HSF2BP: variants seen among roughly 807,000 people sequenced by gnomAD.
HSF2BP encodes heat shock transcription factor 2 binding protein.
In HSF2BP, 35 loss-of-function variants were observed where a neutral mutation model predicts 35.0. The observed-to-expected ratio is 1.00, with a 90% confidence interval of 0.76 to 1.32. HSF2BP has a LOEUF of 1.32. Among genes scored for constraint, HSF2BP ranks in the 40% most tolerant of loss-of-function variants. HSF2BP has a pLI of 0.00. For missense variants in HSF2BP, 326 were observed against 321.7 expected, an observed-to-expected ratio of 1.01 and a Z score of -0.10; for synonymous variants, 114 against 117.4, an observed-to-expected ratio of 0.97 and a Z score of 0.18.
chr21:43,582,042 C>T, intron 8 of HSF2BP, among the ~76,000 whole-genome samples: 1 of 56,016 alleles, frequency 1.8e-5, no homozygotes, highest in Non-Finnish European at 3.2e-5. Context: ...CTGAGGGGCC[C>T]TGTTGTGGGG....
intron 7 of HSF2BP, among the ~76,000 whole-genome samples, chr21:43,602,838 A>G (rs1394433429): frequency 6.6e-6 from 1 of 152,190 alleles, no homozygotes. Context: ...CCATTCAGGA[A>G]TGTGGGTAGC....
rs2081843426 is a variant in HSF2BP at position 43,585,845 on chromosome 21, T to C, written c.796+6380A>G. Among the ~76,000 whole-genome samples, 3 of 152,154 alleles carry C rather than the reference T, an allele frequency of 2.0e-5. No individual in the cohort carries two copies. The South Asian group carries it at 6.2e-4, about 32-fold the overall frequency. On this transcript the variant is annotated intron_variant, in intron 8 of 8. Transcript: ENST00000291560. ...AAATAGAATTGTAATCAATAGAAAT[T>C]AGAATTTGGTGTGAGGGAAGATTAG...
intron 8 of HSF2BP, among the ~76,000 whole-genome samples, chr21:43,585,631 C>T (rs1405121493): frequency 2.0e-5 from 3 of 151,032 alleles, no homozygotes; most frequent in Non-Finnish European, 4.4e-5. Flanking sequence ...GGGCAACTGA[C>T]CAAGACTCTG....
At chr21:43,655,015 T>G (rs925428604) in intron 3 of HSF2BP, among the ~76,000 whole-genome samples, 1 of 152,216 alleles carries the variant, frequency 6.6e-6, no homozygotes, top group African/African-American at 2.4e-5. Flanking sequence ...AAAGGCAGAC[T>G]GTGATCAAGT....
In HSF2BP at chr21:43,633,505, T is replaced by G. The variant is rs1003045074; in HGVS notation, c.292-84A>C. The G allele has an allele frequency of 2.1e-5, 25 of 1,182,556 alleles. No individual in the cohort carries two copies. The African/African-American group carries it at 3.8e-4, about 18-fold the overall frequency. The allele number at this position is 1,182,556 out of a possible 1,614,324, so 73.3% of individuals were successfully genotyped here. ...TTACATTTCCTCTTTCACAAAGATATTTATTAAAGAAATGCATGTATAATT... is the reference window on the plus strand; with the variant it reads ...TTACATTTCCTCTTTCACAAAGATAGTTATTAAAGAAATGCATGTATAATT... On this transcript the variant is annotated intron_variant, in intron 4 of 8. Transcript: ENST00000291560.
At chr21:43,648,745 C>T (rs2082742486) in intron 3 of HSF2BP, among the ~76,000 whole-genome samples, 2 of 152,216 alleles carry the variant, frequency 1.3e-5, no homozygotes, top group Admixed American at 1.3e-4. Flanking sequence ...CTTCCCAGAA[C>T]TGAAATGGGG....
intron 7 of HSF2BP, among the ~76,000 whole-genome samples, chr21:43,596,045 T>A (rs182618695): frequency 2.0e-5 from 3 of 152,122 alleles, no homozygotes; most frequent in Non-Finnish European, 2.9e-5. Flanking sequence ...TACTGAAAAG[T>A]TCAGTTCATC....
intron 8 of HSF2BP, among the ~76,000 whole-genome samples, chr21:43,575,055 C>T (rs894021662): frequency 2.0e-5 from 3 of 152,222 alleles, no homozygotes; most frequent in East Asian, 1.9e-4. Context: ...CTGCTGCTCA[C>T]GCAGCTCCTG....
At chr21:43,632,073 T>TAC (rs200993674) in intron 5 of HSF2BP, among the ~76,000 whole-genome samples, 4,052 of 11,960 alleles carry the variant, frequency 0.34, 604 homozygotes, top group African/African-American at 0.59. Context: ...CGCTCCCACA[T>TAC]ACACACGCTC....
intron 6 of HSF2BP, among the ~76,000 whole-genome samples, chr21:43,626,500 A>C (rs1053683219): frequency 6.6e-6 from 1 of 152,220 alleles, no homozygotes; most frequent in African/African-American, 2.4e-5. Context: ...ATTAAGACCA[A>C]ACTGCTGAAG....
At position 43,597,249 on chromosome 21, in the gene HSF2BP, A is replaced by C. The variant is rs1417332412; in HGVS notation, c.693-4921T>G. On this transcript the variant is annotated intron_variant, in intron 7 of 8. Transcript: ENST00000291560. The surrounding 1 kb of genome is among the most constrained non-coding windows in gnomAD (Gnocchi z 4.3). ...CAGAGCTCAGGTATGAGTCAGGCAA[A>C]GCTGACAGCCAGCTAGGACACACAT... Among the ~76,000 whole-genome samples the C allele has an allele frequency of 6.6e-6, 1 of 152,186 alleles. No homozygotes were observed. The highest frequency in any genetic ancestry group is 1.5e-5 in the Non-Finnish European group (1 of 68,030).
chr21:43,599,992 T>G (rs1364138596), intron 7 of HSF2BP, among the ~76,000 whole-genome samples: 1 of 152,058 alleles, frequency 6.6e-6, no homozygotes, highest in Non-Finnish European at 1.5e-5. Context: ...CTTGATCATC[T>G]AAGACACATC....
intron 4 of HSF2BP, among the ~76,000 whole-genome samples, chr21:43,640,145 T>A (rs1385663806): frequency 1.3e-5 from 2 of 151,842 alleles, no homozygotes; most frequent in African/African-American, 4.8e-5. Context: ...ACAAAAAAAA[T>A]TAAAAATTAG....
chr21:43,501,165 C>T, the HSF2BP span, among the ~76,000 whole-genome samples: 6 of 103,568 alleles, frequency 5.8e-5, no homozygotes, highest in Non-Finnish European at 9.7e-5. Flanking sequence ...CCCCCTTATC[C>T]GCGGTTTCGC....
At chr21:43,501,325 G>C in the HSF2BP span, among the ~76,000 whole-genome samples, 1 of 120,608 alleles carries the variant, frequency 8.3e-6, no homozygotes, top group East Asian at 2.1e-4. Context: ...TCCCACCAGG[G>C]ACGTGTAGCA....
At chr21:43,617,849 G>C (rs190655838) in intron 6 of HSF2BP, among the ~76,000 whole-genome samples, 88 of 152,240 alleles carry the variant, frequency 5.8e-4, no homozygotes, top group African/African-American at 2.0e-3. Context: ...ATCTACTCAA[G>C]AGGCTGAGGC....
At chr21:43,613,325 A>G (rs1422679653) in intron 7 of HSF2BP, among the ~76,000 whole-genome samples, 2 of 152,166 alleles carry the variant, frequency 1.3e-5, no homozygotes, top group Non-Finnish European at 2.9e-5. Context: ...GGACTCTACC[A>G]GCCACTTCAA....
intron 7 of HSF2BP, among the ~76,000 whole-genome samples, chr21:43,611,223 G>A (rs1327218944): frequency 6.6e-6 from 1 of 151,896 alleles, no homozygotes; most frequent in Admixed American, 6.6e-5. Context: ...TCCAGCCTGG[G>A]TTACAAAGCA....
intron 4 of HSF2BP, among the ~76,000 whole-genome samples, chr21:43,637,933 C>G (rs560260927): frequency 5.3e-5 from 8 of 152,284 alleles, no homozygotes; most frequent in African/African-American, 1.9e-4. Context: ...AGATTGAATA[C>G]TTTCCCCTGA....
Sources: allele counts gnomAD v4.1 joint callset (sites outside exome capture counted in the v4.1 genomes callset), GRCh38; gene constraint gnomAD v4.1.1; non-coding constraint Gnocchi (gnomAD v3.1); transcripts MANE v1.5; gene names NCBI Gene and HGNC (gene_info 2026-07-23, HGNC 2026-07-21).